Variants in TENM3 observed in about 807,000 individuals in gnomAD.
TENM3 encodes teneurin-3.
In TENM3, 63 loss-of-function variants were observed where a neutral mutation model predicts 255.1. That is an observed-to-expected ratio of 0.25 (90% CI 0.20 to 0.30). The LOEUF (loss-of-function observed/expected upper bound fraction) is 0.30, where lower values mean the gene tolerates loss of function less well. Among genes scored for constraint, TENM3 ranks in the 10% least tolerant of loss-of-function variants. TENM3 has a pLI of 1.00. For missense variants in TENM3, 2,929 were observed against 3,461.1 expected, an observed-to-expected ratio of 0.85 and a Z score of 3.86; for synonymous variants, 1,306 against 1,322.3, an observed-to-expected ratio of 0.99 and a Z score of 0.27.
rs28403363 is a variant in TENM3 at position 182,601,373 on chromosome 4, A to G, written c.749+212A>G. Among the ~76,000 whole-genome samples, 89,027 of 151,904 alleles carry G rather than the reference A, an allele frequency of 0.59. 26,860 individuals carry two copies. The highest frequency in any genetic ancestry group is 0.67 in the Non-Finnish European group (45,254 of 67,982). ...TCTTTTCACACAGTTTGTTGCCTACAAGAGATGAGAATAAATTACTTCAGT... is the reference window on the plus strand; with the variant it reads ...TCTTTTCACACAGTTTGTTGCCTACGAGAGATGAGAATAAATTACTTCAGT... On this transcript the variant is annotated intron_variant, in intron 4 of 27. Transcript: ENST00000511685.
intron 1 of TENM3, among the ~76,000 whole-genome samples, chr4:182,247,390 TG>T (rs1380762519): frequency 6.6e-6 from 1 of 152,168 alleles, no homozygotes; most frequent in African/African-American, 2.4e-5. Context: ...ACACAGATGA[TG>T]GTTCCATAGA....
the TENM3 span, among the ~76,000 whole-genome samples, chr4:181,565,494 A>G: frequency 6.6e-6 from 1 of 152,234 alleles, no homozygotes; most frequent in Non-Finnish European, 1.5e-5. Flanking sequence ...AAACGGGTAC[A>G]TAAAGTGATT....
chr4:182,463,316 G>A (rs1019671525), intron 3 of TENM3, among the ~76,000 whole-genome samples: 61 of 151,996 alleles, frequency 4.0e-4, no homozygotes, highest in Admixed American at 3.7e-3. Context: ...AAGATACCAC[G>A]TAATGAGAAC....
intron 1 of TENM3, among the ~76,000 whole-genome samples, chr4:182,294,207 T>C (rs1761315874): frequency 6.6e-6 from 1 of 152,084 alleles, no homozygotes; most frequent in Non-Finnish European, 1.5e-5. Flanking sequence ...GGTTGTGAAG[T>C]GCTTTCTTTT....
intron 1 of TENM3, among the ~76,000 whole-genome samples, chr4:182,293,031 G>A (rs145390663): frequency 6.6e-6 from 1 of 152,350 alleles, no homozygotes; most frequent in African/African-American, 2.4e-5. Flanking sequence ...TGCCTTCACT[G>A]ATTGCTTCCG....
chr4:181,486,415 T>C, the TENM3 span, among the ~76,000 whole-genome samples: 3 of 152,244 alleles, frequency 2.0e-5, no homozygotes, highest in Admixed American at 2.0e-4. Flanking sequence ...TGCACTTCTC[T>C]GGCCCCACCA....
chr4:182,786,857 G>A (rs913453634), intron 24 of TENM3, among the ~76,000 whole-genome samples: 1 of 152,136 alleles, frequency 6.6e-6, no homozygotes, highest in Non-Finnish European at 1.5e-5. Context: ...GAAAAAAAGG[G>A]CAACCTTAAA....
chr4:181,909,625 T>TATCA, the TENM3 span, among the ~76,000 whole-genome samples: 24,688 of 152,156 alleles, frequency 0.16, 2,128 homozygotes, highest in Non-Finnish European at 0.19. Flanking sequence ...TTTGTTCATG[T>TATCA]ATCATCTAGT....
the TENM3 span, among the ~76,000 whole-genome samples, chr4:181,737,961 A>G: frequency 2.0e-5 from 3 of 151,786 alleles, no homozygotes; most frequent in Non-Finnish European, 4.4e-5. Flanking sequence ...GTATTGTGCA[A>G]TAAACATTAT....
chr4:182,083,863 A>G, the TENM3 span, among the ~76,000 whole-genome samples: 2 of 152,174 alleles, frequency 1.3e-5, no homozygotes, highest in South Asian at 2.1e-4. Flanking sequence ...TTACACATGT[A>G]TGGACTCTCC....
At chr4:181,938,566 C>G in the TENM3 span, among the ~76,000 whole-genome samples, 1 of 152,184 alleles carries the variant, frequency 6.6e-6, no homozygotes. Context: ...AGGCCTAAAA[C>G]TCGTATTTCC....
At chr4:181,719,578 G>A in the TENM3 span, among the ~76,000 whole-genome samples, 1 of 152,116 alleles carries the variant, frequency 6.6e-6, no homozygotes, top group Admixed American at 6.5e-5. Flanking sequence ...CTTTTAGAAG[G>A]GCACTAATCC....
At chr4:181,641,999 G>T in the TENM3 span, among the ~76,000 whole-genome samples, 1 of 151,246 alleles carries the variant, frequency 6.6e-6, no homozygotes, top group Admixed American at 6.6e-5. Context: ...TAATGGGATT[G>T]CTGGGTCAAA....
rs75744639 is a variant in TENM3 at position 182,312,179 on chromosome 4, C to T, written c.-75-11767C>T. Among the ~76,000 whole-genome samples the T allele has an allele frequency of 2.9e-3, 442 of 152,226 alleles. 2 individuals carry two copies. The highest frequency in any genetic ancestry group is 0.01 in the African/African-American group (436 of 41,528). On this transcript the variant is annotated intron_variant, in intron 1 of 27. Transcript: ENST00000511685. ...TTAGAAATGCAATGTGTAAAATACCCAGCATGAAAAAGCGTTTAATAAATT... is the reference window on the plus strand; with the variant it reads ...TTAGAAATGCAATGTGTAAAATACCTAGCATGAAAAAGCGTTTAATAAATT...
At chr4:182,765,124 A>C (rs1399024890) in intron 22 of TENM3, among the ~76,000 whole-genome samples, 1 of 129,924 alleles carries the variant, frequency 7.7e-6, no homozygotes. Flanking sequence ...GGCACAGTCT[A>C]GCATGTGATT....
intron 24 of TENM3, among the ~76,000 whole-genome samples, chr4:182,776,194 C>A (rs1764682304): frequency 6.6e-6 from 1 of 152,186 alleles, no homozygotes; most frequent in Admixed American, 6.5e-5. Context: ...AGGCGGACCA[C>A]TTGAGGTCAG....
At chr4:182,241,447 C>A (rs1757246199), upstream of TENM3, among the ~76,000 whole-genome samples, 1 of 144,518 alleles carries the variant, frequency 6.9e-6, no homozygotes, top group African/African-American at 2.8e-5. Context: ...TCCTCTGGAT[C>A]CTTGGCTCCA....
At chr4:182,514,987 C>T (rs1307168982) in intron 3 of TENM3, among the ~76,000 whole-genome samples, 1 of 152,086 alleles carries the variant, frequency 6.6e-6, no homozygotes, top group Admixed American at 6.5e-5. Context: ...ATTGAGAAAC[C>T]AAGAAAGGAG....
the TENM3 span, among the ~76,000 whole-genome samples, chr4:181,635,107 T>G: frequency 2.6e-5 from 4 of 152,268 alleles, no homozygotes; most frequent in African/African-American, 9.6e-5. Context: ...TAAGTCACAT[T>G]AATTCTAATG....
Sources: allele counts gnomAD v4.1 joint callset (sites outside exome capture counted in the v4.1 genomes callset), GRCh38; gene constraint gnomAD v4.1.1; transcripts MANE v1.5; gene names NCBI Gene and HGNC (gene_info 2026-07-23, HGNC 2026-07-21).